TRPA1: variants seen among roughly 807,000 people sequenced by gnomAD.
TRPA1 encodes the protein transient receptor potential cation channel subfamily A member 1, also known as ankyrin-like with transmembrane domains 1.
In TRPA1, 129 loss-of-function variants were observed where a neutral mutation model predicts 131.3. The ratio of observed to expected loss-of-function variants is 0.98; its 90% CI spans 0.85 to 1.14. The LOEUF (loss-of-function observed/expected upper bound fraction) is 1.14, where lower values mean the gene tolerates loss of function less well. Among genes scored for constraint, TRPA1 ranks in the 50% most tolerant of loss-of-function variants. The pLI is 0.00. For synonymous variants in TRPA1, 441 were observed against 451.7 expected (o/e 0.98, Z 0.30); for missense variants, 1,304 against 1,354.2 (o/e 0.96, Z 0.58).
At chr8:72,051,926 A>G (rs755885994) in intron 14 of TRPA1, among the ~76,000 whole-genome samples, 3 of 152,232 alleles carry the variant, frequency 2.0e-5, no homozygotes, top group Non-Finnish European at 4.4e-5. Flanking sequence ...CAGAGAGGTT[A>G]AGCAATGTGC....
the TRPA1 span, among the ~76,000 whole-genome samples, chr8:72,082,720 C>A: frequency 4.6e-5 from 7 of 151,156 alleles, no homozygotes; most frequent in South Asian, 4.2e-4. Flanking sequence ...TTTTTCTCTT[C>A]CTAATTTCAA....
rs568323485 is a variant in TRPA1 at position 72,027,447 on chromosome 8, T to G, written c.2938-1374A>C. Among the ~76,000 whole-genome samples the G allele has an allele frequency of 1.1e-4, 16 of 152,322 alleles. 1 individual carries two copies. The South Asian group carries it at 3.1e-3, about 30-fold the overall frequency. On this transcript the variant is annotated intron_variant, in intron 24 of 26. Coordinates refer to ENST00000262209, the MANE Select transcript of TRPA1 (RefSeq NM_007332.3). ...ACGCTGCGGATTTCCCTTTCTAATT[T>G]GCAGTGGAGATATAAATGTTTATGG... is the stretch of plus-strand genomic sequence containing the variant.
chr8:72,033,509 G>A (rs1811911513), intron 23 of TRPA1, 135 bp downstream of exon 23: 5 of 870,240 alleles, frequency 5.7e-6, no homozygotes, highest in Middle Eastern at 3.6e-4. Context: ...CCAAGTGAGT[G>A]TTGAACGAAT....
chr8:72,084,093 C>T, the TRPA1 span, among the ~76,000 whole-genome samples: 1 of 152,072 alleles, frequency 6.6e-6, no homozygotes, highest in African/African-American at 2.4e-5. Context: ...TTATTTCAAT[C>T]TGGAATTTCA....
At chr8:72,026,290 G>A (rs543261093) in intron 24 of TRPA1, among the ~76,000 whole-genome samples, 1 of 152,322 alleles carries the variant, frequency 6.6e-6, no homozygotes, top group South Asian at 2.1e-4. Context: ...AATCTGCCTT[G>A]GAGTGGGAGA....
chr8:72,084,703 G>A, the TRPA1 span, among the ~76,000 whole-genome samples: 1 of 142,704 alleles, frequency 7.0e-6, no homozygotes, highest in African/African-American at 2.6e-5. Context: ...CCAGGCTGGA[G>A]TACAGTGGCA....
rs575779763 is a variant in TRPA1, at chr8:72,069,849, A to G, written c.269-651T>C. Among the ~76,000 whole-genome samples, 9 of 152,276 alleles carry G rather than the reference A, an allele frequency of 5.9e-5. No individual in the cohort carries two copies. The South Asian group carries it at 1.9e-3, about 32-fold the overall frequency. On this transcript the variant is annotated intron_variant, in intron 2 of 26. Coordinates refer to ENST00000262209, the MANE Select transcript of TRPA1 (RefSeq NM_007332.3). ...AGAGACCTTGTGATGTTGCAATGTT[A>G]CTGGGACAATAATACTAAGTCATGT... is the stretch of plus-strand genomic sequence containing the variant.
At chr8:72,085,038 C>T in the TRPA1 span, among the ~76,000 whole-genome samples, 3 of 152,134 alleles carry the variant, frequency 2.0e-5, no homozygotes, top group African/African-American at 7.2e-5. Flanking sequence ...CTAACTCTAA[C>T]ATTTGAATTC....
the TRPA1 span, among the ~76,000 whole-genome samples, chr8:72,084,413 GA>G: frequency 0.038 from 5,810 of 151,112 alleles, 375 homozygotes; most frequent in African/African-American, 0.13. Flanking sequence ...TAATTTGTAA[GA>G]TTTTTTTTAT....
At chr8:72,074,625 T>G (rs1806134585) in intron 1 of TRPA1, among the ~76,000 whole-genome samples, 1 of 152,164 alleles carries the variant, frequency 6.6e-6, no homozygotes, top group Admixed American at 6.5e-5. Context: ...TCCCTTAGAC[T>G]AAGCCATCAG....
chr8:72,050,312 A>G (rs1563393885), intron 15 of TRPA1, among the ~76,000 whole-genome samples: 1 of 152,198 alleles, frequency 6.6e-6, no homozygotes, highest in African/African-American at 2.4e-5. Flanking sequence ...GAGCCCAGCA[A>G]TTCCTGCCTT....
rs1167395002 is a variant in TRPA1 at position 72,038,927 on chromosome 8, C to T, written c.2233G>A (p.Ala745Thr). 1 of 1,612,714 alleles carries T rather than the reference C, an allele frequency of 6.2e-7. No homozygotes were observed. The highest frequency in any genetic ancestry group is 1.7e-5 in the Admixed American group (1 of 59,900). Reference sequence around the variant, plus strand: ...TTGATGATGCCAGTTGAGTTGAAAGCCATTCCTGGTTTTATATTGACAACG... The same window carrying T: ...TTGATGATGCCAGTTGAGTTGAAAGTCATTCCTGGTTTTATATTGACAACG... ...ILVVNIKPGM[A>T]FNSTGIINET... Residue 745 changes from alanine (A) to threonine (T), a missense_variant, in exon 19 of 27, where the codon GCT (alanine) becomes ACT (threonine). By Grantham distance (58) the Ala-to-Thr change is moderately conservative. Transcript: ENST00000262209.
At chr8:72,037,935 G>T in intron 20 of TRPA1, 48 bp downstream of exon 20, 1 of 1,093,064 alleles carries the variant, frequency 9.1e-7, no homozygotes, top group Non-Finnish European at 1.4e-6. Flanking sequence ...CTTATGTTCT[G>T]CATATGAAAA....
chr8:72,034,390 A>G lies in TRPA1; in HGVS notation c.2556-13T>C, dbSNP rs753802643. ...ACAATTTTCAAATCTAGAAAAGTAA[A>G]AAAAAAAAAATTTACTCACTTTTAT... On this transcript the variant is annotated splice_polypyrimidine_tract_variant and intron_variant, in intron 21 of 26. Coordinates refer to ENST00000262209, the MANE Select transcript of TRPA1 (RefSeq NM_007332.3). 2.8e-6 allele frequency: 4 copies of G among 1,449,506 alleles called. No homozygotes were observed. In the Admixed American group the frequency reaches 7.7e-5, roughly 28 times the overall value. The allele number at this position is 1,449,506 out of a possible 1,614,324, so 89.8% of individuals were successfully genotyped here.
intron 24 of TRPA1, among the ~76,000 whole-genome samples, chr8:72,028,093 T>A (rs1811670946): frequency 6.6e-6 from 1 of 152,176 alleles, no homozygotes; most frequent in Non-Finnish European, 1.5e-5. Context: ...TCCATACACC[T>A]GGAGTCCTAA....
At chr8:72,067,695 C>T (rs1357780647) in intron 3 of TRPA1, among the ~76,000 whole-genome samples, 4 of 152,180 alleles carry the variant, frequency 2.6e-5, no homozygotes, top group Non-Finnish European at 5.9e-5. Context: ...TATTTGATAT[C>T]TCTGCGGGAG....
At chr8:72,025,137 C>T (rs72659641) in intron 25 of TRPA1, among the ~76,000 whole-genome samples, 11 of 106,432 alleles carry the variant, frequency 1.0e-4, no homozygotes, top group East Asian at 1.1e-3. Flanking sequence ...TGTGTGTGTG[C>T]GTGCTATGTT....
the TRPA1 span, among the ~76,000 whole-genome samples, chr8:72,086,593 T>G: frequency 6.6e-6 from 1 of 152,208 alleles, no homozygotes; most frequent in Non-Finnish European, 1.5e-5. Context: ...CTTCTTAATA[T>G]CAATTTTGCA....
upstream of TRPA1, among the ~76,000 whole-genome samples, chr8:72,077,915 G>T (rs1052641895): frequency 2.0e-5 from 3 of 151,838 alleles, no homozygotes; most frequent in African/African-American, 7.3e-5. Flanking sequence ...TTAGAGAAAA[G>T]AAACCTTCCT....
Sources: allele counts gnomAD v4.1 joint callset (sites outside exome capture counted in the v4.1 genomes callset), GRCh38; gene constraint gnomAD v4.1.1; transcripts MANE v1.5; gene names NCBI Gene and HGNC (gene_info 2026-07-23, HGNC 2026-07-21).